The following SLC35F3 variants were observed in gnomAD, a reference collection of about 807,000 sequenced individuals.
SLC35F3 encodes solute carrier family 35 member F3.
A neutral mutation model predicts 49.9 loss-of-function variants in SLC35F3; 25 were observed. The ratio of observed to expected loss-of-function variants is 0.50; its 90% CI spans 0.37 to 0.70. SLC35F3 has a LOEUF of 0.70. SLC35F3 is among the 30% of genes least tolerant of loss of function. The pLI, the probability that SLC35F3 is intolerant of heterozygous loss-of-function variation, is 0.00. For missense variants in SLC35F3, 525 were observed against 639.8 expected, an observed-to-expected ratio of 0.82 and a Z score of 1.94; for synonymous variants, 275 against 265.4, an observed-to-expected ratio of 1.04 and a Z score of -0.35.
intron 2 of SLC35F3, among the ~76,000 whole-genome samples, chr1:234,128,840 G>C (rs1416424669): frequency 6.6e-6 from 1 of 152,152 alleles, no homozygotes; most frequent in Admixed American, 6.5e-5. Flanking sequence ...CACTCTGTCG[G>C]AAAATCGGGG....
At chr1:234,041,528 A>C (rs568585192) in intron 2 of SLC35F3, among the ~76,000 whole-genome samples, 3 of 152,128 alleles carry the variant, frequency 2.0e-5, no homozygotes, top group African/African-American at 7.2e-5. Flanking sequence ...ACATGCAGCT[A>C]TCCATCTAGT....
intron 3 of SLC35F3, among the ~76,000 whole-genome samples, chr1:234,235,682 G>T (rs1252185536): frequency 6.6e-6 from 1 of 152,212 alleles, no homozygotes; most frequent in South Asian, 2.1e-4. Context: ...AAAGTGAACG[G>T]TGCAGTGGTG....
In SLC35F3 at chr1:234,252,621, G is replaced by T. The variant is rs577233685; in HGVS notation, c.608+20880G>T. 3.9e-5 allele frequency among the ~76,000 whole-genome samples: 6 copies of T among 152,268 alleles called. No homozygotes were observed. In the East Asian group the frequency reaches 1.2e-3, roughly 29 times the overall value. Reference sequence around the variant, plus strand: ...GAAATGACTCAAATACATATGAAAAGATGCTTACTTTCACTCTTACGAGAG... The same window carrying T: ...GAAATGACTCAAATACATATGAAAATATGCTTACTTTCACTCTTACGAGAG... On this transcript the variant is annotated intron_variant, in intron 3 of 7. Transcript: ENST00000366618.
intron 2 of SLC35F3, among the ~76,000 whole-genome samples, chr1:234,119,151 G>A (rs1418897154): frequency 6.6e-6 from 1 of 152,046 alleles, no homozygotes; most frequent in Non-Finnish European, 1.5e-5. Context: ...ACATGGCAGG[G>A]GTGGGGTGTG....
chr1:233,926,076 C>T (rs559016713), intron 2 of SLC35F3, among the ~76,000 whole-genome samples: 46 of 152,292 alleles, frequency 3.0e-4, no homozygotes, highest in African/African-American at 1.1e-3. Context: ...TTTTTTCCTT[C>T]ATTTCAACCT....
chr1:233,954,433 C>CT (rs1184432970), intron 2 of SLC35F3, among the ~76,000 whole-genome samples: 1 of 152,180 alleles, frequency 6.6e-6, no homozygotes, highest in Non-Finnish European at 1.5e-5. Flanking sequence ...AAAGAGAATA[C>CT]TAAGGAGGAG....
chr1:234,072,750 C>T (rs762280833), intron 2 of SLC35F3, among the ~76,000 whole-genome samples: 11 of 152,076 alleles, frequency 7.2e-5, no homozygotes, highest in South Asian at 2.1e-4. Flanking sequence ...AAAATGGCTG[C>T]GGCCTATGAG....
intron 2 of SLC35F3, among the ~76,000 whole-genome samples, chr1:233,969,065 G>A (rs4920272): frequency 0.13 from 19,713 of 150,344 alleles, 1,733 homozygotes; most frequent in Admixed American, 0.22. Context: ...TATTTTGGGG[G>A]GGGGGACACA....
At chr1:233,932,211 A>T (rs1483235559) in intron 2 of SLC35F3, among the ~76,000 whole-genome samples, 1 of 152,104 alleles carries the variant, frequency 6.6e-6, no homozygotes, top group Non-Finnish European at 1.5e-5. Flanking sequence ...CAGGTTGATG[A>T]GTGCAGCAAA....
chr1:234,223,803 A>G (rs538704107), intron 2 of SLC35F3, among the ~76,000 whole-genome samples: 1 of 152,178 alleles, frequency 6.6e-6, no homozygotes, highest in East Asian at 1.9e-4. Flanking sequence ...AAAAAAGGAC[A>G]TTTTTTTACT....
At chr1:234,186,708 G>A (rs535618218) in intron 2 of SLC35F3, among the ~76,000 whole-genome samples, 1 of 152,288 alleles carries the variant, frequency 6.6e-6, no homozygotes, top group South Asian at 2.1e-4. Flanking sequence ...AATAACACTG[G>A]TAGTTGTAGG....
chr1:234,227,392 CTTTTTTT>C (rs369277069), intron 2 of SLC35F3, among the ~76,000 whole-genome samples: 8 of 108,668 alleles, frequency 7.4e-5, no homozygotes, highest in Admixed American at 2.5e-4. Context: ...CTCTTTCTTT[CTTTTTTT>C]TTTTTTTTTT....
At chr1:234,091,908 C>T (rs1003197760) in intron 2 of SLC35F3, among the ~76,000 whole-genome samples, 2 of 152,202 alleles carry the variant, frequency 1.3e-5, no homozygotes, top group East Asian at 1.9e-4. Context: ...CTTGTCCTCA[C>T]GCTACCTGCT....
At chr1:234,123,389 T>A (rs16842569) in intron 2 of SLC35F3, among the ~76,000 whole-genome samples, 20,324 of 152,152 alleles carry the variant, frequency 0.13, 2,890 homozygotes, top group East Asian at 0.78. Flanking sequence ...TCTGGGGCCA[T>A]AACCAGTGTT....
intron 2 of SLC35F3, among the ~76,000 whole-genome samples, chr1:234,061,140 G>A (rs1267971829): frequency 3.9e-5 from 6 of 152,002 alleles, no homozygotes; most frequent in Middle Eastern, 3.4e-3. Flanking sequence ...AGTACTTCTC[G>A]TAAGTCTTGT....
chr1:233,973,365 A>G (rs1352242927), intron 2 of SLC35F3, among the ~76,000 whole-genome samples: 1 of 152,214 alleles, frequency 6.6e-6, no homozygotes, highest in Non-Finnish European at 1.5e-5. Context: ...CAGGAAGACC[A>G]TGTTCAGGCA....
intron 3 of SLC35F3, among the ~76,000 whole-genome samples, chr1:234,240,540 G>A (rs1350570606): frequency 6.6e-6 from 1 of 152,054 alleles, no homozygotes; most frequent in Non-Finnish European, 1.5e-5. Context: ...AGGAGGCAGA[G>A]GTTGCAGTGA....
At chr1:234,056,856 G>A (rs1558216804) in intron 2 of SLC35F3, among the ~76,000 whole-genome samples, 1 of 152,106 alleles carries the variant, frequency 6.6e-6, no homozygotes, top group Non-Finnish European at 1.5e-5. Flanking sequence ...GTGAGAAAGG[G>A]TCTAACTCAT....
At chr1:233,998,376 T>G (rs1398670304) in intron 2 of SLC35F3, among the ~76,000 whole-genome samples, 1 of 151,872 alleles carries the variant, frequency 6.6e-6, no homozygotes, top group African/African-American at 2.4e-5. Context: ...AGCTATAAAC[T>G]CTTTCGGGGC....
Sources: gnomAD v4.1 joint callset for allele counts (sites outside exome capture counted in the v4.1 genomes callset) on GRCh38, gnomAD v4.1.1 for gene constraint, MANE v1.5 for transcripts, NCBI Gene and HGNC (gene_info 2026-07-23, HGNC 2026-07-21) for gene names.